EDNRA: variants seen among roughly 807,000 people sequenced by gnomAD.
EDNRA encodes endothelin receptor type A, also known as endothelin-1 receptor.
Under a neutral mutation model 41.4 loss-of-function variants are expected in EDNRA, and 11 were observed. That is an observed-to-expected ratio of 0.27 (90% CI 0.17 to 0.44). The LOEUF (loss-of-function observed/expected upper bound fraction) is 0.44. EDNRA is among the 20% of genes least tolerant of loss of function. The pLI is 1.00. For missense variants in EDNRA, 294 were observed against 531.0 expected (o/e 0.55, Z 4.39); for synonymous variants, 172 against 183.0 (o/e 0.94, Z 0.49).
chr4:147,515,715 G>T (rs923507170), intron 2 of EDNRA, among the ~76,000 whole-genome samples: 2 of 152,110 alleles, frequency 1.3e-5, no homozygotes, highest in African/African-American at 4.8e-5. Context: ...TGTCAGGTAT[G>T]TTCTAGAAAA....
chr4:147,486,775 G>A lies in EDNRA; in HGVS notation c.420+674G>A, dbSNP rs966810219. Among the ~76,000 whole-genome samples, 4 of 151,944 alleles carry A rather than the reference G, an allele frequency of 2.6e-5. No individual in the cohort carries two copies. The highest frequency in any genetic ancestry group is 4.4e-5 in the Non-Finnish European group (3 of 68,006). On this transcript the variant is annotated intron_variant, in intron 2 of 7. Coordinates refer to ENST00000651419, the MANE Select transcript of EDNRA (RefSeq NM_001957.4). This position sits in a 1 kb window ranked among gnomAD's most constrained non-coding sequence, Gnocchi z 4.3. ...AGTCTGCATTTATTGAGCACCCACT[G>A]TGTGCCCACCCCTGAGCTAGGCAGT...
chr4:147,520,125 TTAGA>T lies in EDNRA; in HGVS notation c.548+148_548+151del, dbSNP rs1046305254. 7.1e-5 allele frequency: 80 copies of T among 1,125,696 alleles called. No individual in the cohort carries two copies. In the African/African-American group the frequency reaches 1.2e-3, roughly 16 times the overall value. The allele number at this position is 1,125,696 out of a possible 1,614,324, so 69.7% of individuals were successfully genotyped here. A position where few individuals can be genotyped will look rare whatever the true frequency, so the allele number is the denominator to read the frequency against. On this transcript the variant is annotated intron_variant, in intron 3 of 7. Coordinates refer to ENST00000651419, the MANE Select transcript of EDNRA (RefSeq NM_001957.4). ...GCATTAACCATCTTGCCTTTGCTGT[TTAGA>T]ATTGCCTTCCACATTTGCTGATTAT...
chr4:147,528,381 A>G (rs1416153657), intron 3 of EDNRA, among the ~76,000 whole-genome samples: 2 of 136,642 alleles, frequency 1.5e-5, no homozygotes, highest in Non-Finnish European at 3.1e-5. Flanking sequence ...TTTTTCAGAC[A>G]GGGTCTTACT....
intron 2 of EDNRA, among the ~76,000 whole-genome samples, chr4:147,508,604 G>A (rs987165843): frequency 2.0e-5 from 3 of 152,144 alleles, no homozygotes; most frequent in African/African-American, 7.2e-5. Context: ...CTTACATTCA[G>A]TTCTGTAATC....
At chr4:147,492,780 A>G (rs1432021016) in intron 2 of EDNRA, 3 of 152,170 alleles carry the variant, frequency 2.0e-5, no homozygotes, top group African/African-American at 7.2e-5. Flanking sequence ...ATGTACATAT[A>G]AAATGACAGA....
chr4:147,519,786 CTG>C lies in EDNRA; in HGVS notation c.421-63_421-62del, dbSNP rs1730249621. The C allele has an allele frequency of 6.4e-7, 1 of 1,551,364 alleles. No homozygotes were observed. Among genetic ancestry groups the C allele is most frequent in the Non-Finnish European group, 8.7e-7 (1 of 1,146,812 alleles). ...TAGAAGTTGGGACGCATAACTAAAACTGTAAGTGCCCACATGCTCCGTGCCAG... is the reference window on the plus strand; with the variant it reads ...TAGAAGTTGGGACGCATAACTAAAACTAAGTGCCCACATGCTCCGTGCCAG... On this transcript the variant is annotated intron_variant, in intron 2 of 7. Coordinates refer to ENST00000651419, the MANE Select transcript of EDNRA (RefSeq NM_001957.4). This position sits in a 1 kb window ranked among gnomAD's most constrained non-coding sequence, Gnocchi z 4.1.
At chr4:147,520,747 T>A (rs1038708458) in intron 3 of EDNRA, among the ~76,000 whole-genome samples, 8 of 152,356 alleles carry the variant, frequency 5.3e-5, no homozygotes, top group Middle Eastern at 6.8e-3. Flanking sequence ...GAAGAGGTTT[T>A]CATTCTAACT....
At chr4:147,503,876 T>TA (rs145667346) in intron 2 of EDNRA, among the ~76,000 whole-genome samples, 2,100 of 152,194 alleles carry the variant, frequency 0.014, 51 homozygotes, top group African/African-American at 0.045. Flanking sequence ...GATCATTTTA[T>TA]AAAAAATATT....
At chr4:147,535,053 T>C (rs750228032) in intron 4 of EDNRA, among the ~76,000 whole-genome samples, 1 of 152,214 alleles carries the variant, frequency 6.6e-6, no homozygotes, top group African/African-American at 2.4e-5. Context: ...AAATTAACAA[T>C]CTGAAGAAGC....
At chr4:147,528,561 A>C (rs1428952418) in intron 3 of EDNRA, among the ~76,000 whole-genome samples, 1 of 152,040 alleles carries the variant, frequency 6.6e-6, no homozygotes, top group East Asian at 1.9e-4. Context: ...CATGTTGCCC[A>C]GGGTGTCAAG....
chr4:147,529,717 G>A (rs1730678203), intron 3 of EDNRA, among the ~76,000 whole-genome samples: 1 of 152,184 alleles, frequency 6.6e-6, no homozygotes, highest in South Asian at 2.1e-4. Flanking sequence ...CTAGATGGAA[G>A]GCTATTTATA....
At chr4:147,541,796 T>C (rs1015041093) in intron 7 of EDNRA, among the ~76,000 whole-genome samples, 3 of 152,174 alleles carry the variant, frequency 2.0e-5, no homozygotes, top group Admixed American at 2.0e-4. Flanking sequence ...CCAAAATGGA[T>C]TGACTAACAT....
intron 2 of EDNRA, among the ~76,000 whole-genome samples, chr4:147,500,008 T>C (rs1729455595): frequency 6.6e-6 from 1 of 152,150 alleles, no homozygotes; most frequent in Admixed American, 6.5e-5. Context: ...TTTCACCGTG[T>C]TGGCCAGGCT....
At chr4:147,515,886 A>G (rs1272766648) in intron 2 of EDNRA, among the ~76,000 whole-genome samples, 2 of 152,140 alleles carry the variant, frequency 1.3e-5, no homozygotes, top group Non-Finnish European at 2.9e-5. Context: ...TCTTCCCTAA[A>G]TCTGTTTTTA....
Position 147,540,503 on chromosome 4 carries a change from G to A in EDNRA, c.1143+18G>A, listed in dbSNP as rs1268408028. ...GTTTCCAGGTAAGATGATTTTTCAA[G>A]TATTTTTTAAAGACAACAAAATGAG... On this transcript the variant is annotated intron_variant, in intron 7 of 7. Transcript: ENST00000651419. 6.4e-7 allele frequency: 1 copy of A among 1,567,690 alleles called. No individual in the cohort carries two copies. Among genetic ancestry groups the A allele is most frequent in the Non-Finnish European group, 8.7e-7 (1 of 1,145,394 alleles).
intron 2 of EDNRA, among the ~76,000 whole-genome samples, chr4:147,509,699 C>T (rs1729852469): frequency 6.6e-6 from 1 of 152,044 alleles, no homozygotes; most frequent in African/African-American, 2.4e-5. Flanking sequence ...ACTGCACACA[C>T]AAGGGATCTA....
chr4:147,517,288 G>A (rs1730147700), intron 2 of EDNRA, among the ~76,000 whole-genome samples: 1 of 152,148 alleles, frequency 6.6e-6, no homozygotes, highest in South Asian at 2.1e-4. Flanking sequence ...GCCTCCATGA[G>A]GACTCCTGCT....
intron 5 of EDNRA, among the ~76,000 whole-genome samples, chr4:147,536,435 G>A (rs1054121690): frequency 1.3e-5 from 2 of 152,222 alleles, no homozygotes; most frequent in Non-Finnish European, 2.9e-5. Context: ...AACCACAGGT[G>A]TGGTAAAAGT....
chr4:147,497,539 G>A (rs1729347540), intron 2 of EDNRA, among the ~76,000 whole-genome samples: 1 of 151,938 alleles, frequency 6.6e-6, no homozygotes, highest in South Asian at 2.1e-4. Context: ...AAGTTAGCCT[G>A]GATACCAGCG....
Sources: allele counts gnomAD v4.1 joint callset (sites outside exome capture counted in the v4.1 genomes callset), GRCh38; gene constraint gnomAD v4.1.1; non-coding constraint Gnocchi (gnomAD v3.1); transcripts MANE v1.5; gene names NCBI Gene and HGNC (gene_info 2026-07-23, HGNC 2026-07-21).